The following TAFA1 variants were observed in gnomAD, a reference collection of about 807,000 sequenced individuals.
The protein encoded by TAFA1 is chemokine-like protein TAFA-1.
Under a neutral mutation model 18.5 loss-of-function variants are expected in TAFA1, and 4 were observed. That is an observed-to-expected ratio of 0.22 (90% CI 0.11 to 0.49). The LOEUF (loss-of-function observed/expected upper bound fraction) is 0.49. Ranked by LOEUF, TAFA1 falls within the 20% of genes least tolerant of loss-of-function variation. The probability of loss-of-function intolerance (pLI) is 0.98; values close to 1 mark genes in which losing one functional copy is unlikely to be tolerated. For missense variants in TAFA1, 147 were observed against 169.0 expected (o/e 0.87, Z 0.72); for synonymous variants, 56 against 55.2 (o/e 1.01, Z -0.06).
chr3:68,233,552 T>C (rs995352894), intron 2 of TAFA1, among the ~76,000 whole-genome samples: 7 of 152,200 alleles, frequency 4.6e-5, no homozygotes, highest in African/African-American at 1.7e-4. Context: ...TCAGGTCGTG[T>C]GATACCTCCA....
At chr3:68,421,305 T>C (rs1387735904) in intron 3 of TAFA1, among the ~76,000 whole-genome samples, 2 of 152,190 alleles carry the variant, frequency 1.3e-5, no homozygotes, top group African/African-American at 2.4e-5. Flanking sequence ...TGAGTGTTCT[T>C]TATTCTCATG....
chr3:68,094,220 A>T (rs559356296), intron 2 of TAFA1, among the ~76,000 whole-genome samples: 1 of 152,236 alleles, frequency 6.6e-6, no homozygotes, highest in South Asian at 2.1e-4. Flanking sequence ...CTCTAATTCC[A>T]TCCATCATGA....
chr3:68,034,533 G>T (rs1422864944), intron 2 of TAFA1, among the ~76,000 whole-genome samples: 1 of 152,200 alleles, frequency 6.6e-6, no homozygotes, highest in Non-Finnish European at 1.5e-5. Context: ...TTCAATGTTA[G>T]CTTAAATGGA....
At chr3:68,297,447 C>A (rs2068228456) in intron 2 of TAFA1, among the ~76,000 whole-genome samples, 2 of 152,128 alleles carry the variant, frequency 1.3e-5, no homozygotes, top group Admixed American at 1.3e-4. Flanking sequence ...GACAGAGACA[C>A]CACAGCTACC....
chr3:68,106,457 A>G (rs1302056179), intron 2 of TAFA1, among the ~76,000 whole-genome samples: 1 of 152,138 alleles, frequency 6.6e-6, no homozygotes, highest in Non-Finnish European at 1.5e-5. Flanking sequence ...TTAAGGCACC[A>G]TATGTGACTG....
chr3:68,383,742 C>A (rs1376674451), intron 2 of TAFA1, among the ~76,000 whole-genome samples: 1 of 152,070 alleles, frequency 6.6e-6, no homozygotes, highest in Non-Finnish European at 1.5e-5. Context: ...GAAATAGTTT[C>A]ATCAGGAATG....
intron 2 of TAFA1, among the ~76,000 whole-genome samples, chr3:68,335,281 C>T (rs150230153): frequency 6.6e-6 from 1 of 152,198 alleles, no homozygotes; most frequent in African/African-American, 2.4e-5. Context: ...GAGTCAGAGG[C>T]ATAAAAAATG....
At chr3:68,402,808 G>C (rs1411872357) in intron 2 of TAFA1, among the ~76,000 whole-genome samples, 1 of 152,152 alleles carries the variant, frequency 6.6e-6, no homozygotes, top group Non-Finnish European at 1.5e-5. Flanking sequence ...CGGAAGACAT[G>C]GATTTGAAAG....
chr3:68,407,720 C>A (rs950806150), intron 2 of TAFA1, among the ~76,000 whole-genome samples: 3 of 152,108 alleles, frequency 2.0e-5, no homozygotes, highest in Admixed American at 2.0e-4. Flanking sequence ...TGAGTCTTGG[C>A]AGCCTGGCTC....
chr3:68,352,612 T>C (rs73838717), intron 2 of TAFA1, among the ~76,000 whole-genome samples: 2,403 of 152,196 alleles, frequency 0.016, 57 homozygotes, highest in African/African-American at 0.053. Flanking sequence ...ATTCTTCCTT[T>C]GTTTGCTGCT....
At chr3:68,308,351 A>G (rs2068456371) in intron 2 of TAFA1, among the ~76,000 whole-genome samples, 1 of 152,172 alleles carries the variant, frequency 6.6e-6, no homozygotes, top group Admixed American at 6.5e-5. Flanking sequence ...TATTCATTTT[A>G]TAATAAATTA....
intron 2 of TAFA1, 45 bp downstream of exon 2, chr3:68,006,789 A>C: frequency 7.6e-7 from 1 of 1,324,152 alleles, no homozygotes; most frequent in Non-Finnish European, 1.1e-6. Flanking sequence ...CAGTCTTACC[A>C]CTATTTCCTT....
intron 3 of TAFA1, among the ~76,000 whole-genome samples, chr3:68,523,079 A>AAAT (rs1480674693): frequency 3.5e-5 from 4 of 113,410 alleles, no homozygotes; most frequent in Non-Finnish European, 8.3e-5. Flanking sequence ...TCCGTCTCAA[A>AAAT]AAATAAATAA....
At chr3:68,055,725 A>G (rs2064527863) in intron 2 of TAFA1, among the ~76,000 whole-genome samples, 1 of 152,096 alleles carries the variant, frequency 6.6e-6, no homozygotes, top group South Asian at 2.1e-4. Context: ...CTGAGAGTTC[A>G]AGAGTCTGGA....
intron 2 of TAFA1, among the ~76,000 whole-genome samples, chr3:68,030,279 A>G (rs922737740): frequency 2.7e-4 from 40 of 150,804 alleles, no homozygotes; most frequent in Middle Eastern, 3.5e-3. Flanking sequence ...TTTTTTTTCT[A>G]CTTTAAGTTC....
chr3:68,015,849 T>G (rs942195375), intron 2 of TAFA1, among the ~76,000 whole-genome samples: 3 of 152,216 alleles, frequency 2.0e-5, no homozygotes, highest in Admixed American at 6.5e-5. Context: ...AACAACTGAG[T>G]TATCATTTTG....
intron 3 of TAFA1, among the ~76,000 whole-genome samples, chr3:68,530,866 G>A (rs1307821205): frequency 6.6e-6 from 1 of 152,000 alleles, no homozygotes; most frequent in Non-Finnish European, 1.5e-5. Flanking sequence ...GCAAGTATTT[G>A]TGTTTGATAT....
At chr3:68,002,646 GA>G (rs1213097544), upstream of TAFA1, among the ~76,000 whole-genome samples, 11 of 152,122 alleles carry the variant, frequency 7.2e-5, no homozygotes, top group Admixed American at 4.6e-4. Flanking sequence ...TAATGTTAAA[GA>G]AATAAGAAAA....
At chr3:68,364,246 C>T (rs2069525928) in intron 2 of TAFA1, among the ~76,000 whole-genome samples, 1 of 152,126 alleles carries the variant, frequency 6.6e-6, no homozygotes, top group Non-Finnish European at 1.5e-5. Context: ...AAATACAGAT[C>T]CCTGGACTTC....
Sources: allele counts gnomAD v4.1 joint callset (sites outside exome capture counted in the v4.1 genomes callset), GRCh38; gene constraint gnomAD v4.1.1; transcripts MANE v1.5; gene names NCBI Gene and HGNC (gene_info 2026-07-23, HGNC 2026-07-21).